BEND7: variants seen among roughly 807,000 people sequenced by gnomAD.
BEND7 encodes BEN domain containing 7.
A neutral mutation model predicts 50.9 loss-of-function variants in BEND7; 28 were observed. The observed-to-expected ratio is 0.55, with a 90% CI of 0.41 to 0.75. The LOEUF (loss-of-function observed/expected upper bound fraction) is 0.75, where lower values mean the gene tolerates loss of function less well. Among genes scored for constraint, BEND7 ranks in the 30% least tolerant of loss-of-function variants. BEND7 has a pLI of 0.00. For synonymous variants in BEND7, 170 were observed against 183.9 expected, an observed-to-expected ratio of 0.92 and a Z score of 0.61; for missense variants, 477 against 491.3, an observed-to-expected ratio of 0.97 and a Z score of 0.28.
At chr10:13,483,947 T>C (rs1290872121) in intron 5 of BEND7, among the ~76,000 whole-genome samples, 1 of 152,184 alleles carries the variant, frequency 6.6e-6, no homozygotes, top group African/African-American at 2.4e-5. Context: ...CCACAACTCC[T>C]AACAACTAAG....
chr10:13,479,944 A>G (rs1405413394), intron 6 of BEND7, among the ~76,000 whole-genome samples: 12 of 152,310 alleles, frequency 7.9e-5, no homozygotes, highest in Non-Finnish European at 1.5e-5. Context: ...TTTGCCAGAT[A>G]ATGGGGAACA....
intron 2 of BEND7, among the ~76,000 whole-genome samples, chr10:13,518,203 C>T (rs955839146): frequency 1.3e-5 from 2 of 152,202 alleles, no homozygotes; most frequent in African/African-American, 4.8e-5. Flanking sequence ...AGGGCAGTTG[C>T]TGAACCACAA....
intron 7 of BEND7, among the ~76,000 whole-genome samples, chr10:13,447,536 CTTTTTTT>C (rs11346528): frequency 4.6e-5 from 4 of 86,090 alleles, no homozygotes; most frequent in Non-Finnish European, 8.2e-5. Context: ...CGTATTAAAA[CTTTTTTT>C]TTTTTTTTTT....
chr10:13,500,483 G>C (rs759126541), intron 2 of BEND7: 14 of 991,988 alleles, frequency 1.4e-5, no homozygotes, highest in Non-Finnish European at 1.2e-5. Context: ...GTGAGGAATG[G>C]GCAGGTCACT....
intron 2 of BEND7, among the ~76,000 whole-genome samples, chr10:13,518,578 A>G (rs1164199820): frequency 2.6e-5 from 4 of 152,218 alleles, no homozygotes; most frequent in Non-Finnish European, 4.4e-5. Context: ...ATAAGGAACA[A>G]GCAGAACAAA....
At chr10:13,518,630 C>T (rs1195589547) in intron 2 of BEND7, among the ~76,000 whole-genome samples, 1 of 152,168 alleles carries the variant, frequency 6.6e-6, no homozygotes, top group Admixed American at 6.5e-5. Context: ...CACTGGCTTT[C>T]ATATGTGAGT....
At chr10:13,469,896 A>G (rs2074637363) in intron 6 of BEND7, among the ~76,000 whole-genome samples, 1 of 152,230 alleles carries the variant, frequency 6.6e-6, no homozygotes, top group African/African-American at 2.4e-5. Flanking sequence ...GCAAATACCA[A>G]TTCCTGAGTC....
chr10:13,457,376 G>A (rs1564525495), intron 6 of BEND7, among the ~76,000 whole-genome samples: 1 of 152,156 alleles, frequency 6.6e-6, no homozygotes, highest in African/African-American at 2.4e-5. Context: ...AAGGGCAGCC[G>A]TGTCTGGTTA....
intron 2 of BEND7, among the ~76,000 whole-genome samples, chr10:13,521,213 G>C (rs2079057277): frequency 6.6e-6 from 1 of 152,128 alleles, no homozygotes. Flanking sequence ...TTCCGCTTGG[G>C]AGCACGTTTG....
rs748615774 is a variant in BEND7 at position 13,496,917 on chromosome 10, T to G, written c.449-29A>C. The G allele has an allele frequency of 7.5e-6, 8 of 1,062,714 alleles. No individual in the cohort carries two copies. In the South Asian group the frequency reaches 1.8e-4, roughly 24 times the overall value. 65.8% of individuals were successfully genotyped at this position (1,062,714 alleles called of 1,614,324 possible). On this transcript the variant is annotated intron_variant, in intron 3 of 8. Transcript: ENST00000466271. ...AGCATGAAAGAAAAGAATGACATAC[T>G]CCAAACAAACCAAAAAAAAAAAAAA...
intron 6 of BEND7, among the ~76,000 whole-genome samples, chr10:13,470,188 C>T (rs1001949820): frequency 6.6e-6 from 1 of 152,244 alleles, no homozygotes; most frequent in Non-Finnish European, 1.5e-5. Flanking sequence ...GCAGAAAACA[C>T]TGCTTTCTAT....
chr10:13,447,056 T>A, intron 8 of BEND7: 1 of 589,650 alleles, frequency 1.7e-6, no homozygotes, highest in Non-Finnish European at 3.0e-6. Flanking sequence ...TTTATGAAAA[T>A]AAGAGTGTGA....
chr10:13,497,252 A>G (rs2077087670), intron 3 of BEND7, among the ~76,000 whole-genome samples: 2 of 152,234 alleles, frequency 1.3e-5, no homozygotes, highest in Non-Finnish European at 2.9e-5. Flanking sequence ...TAGTTCACAC[A>G]AAAAAGGAGC....
chr10:13,482,902 T>C (rs1285955227), intron 5 of BEND7, among the ~76,000 whole-genome samples: 7 of 152,342 alleles, frequency 4.6e-5, no homozygotes, highest in African/African-American at 1.7e-4. Context: ...TAGACACTAT[T>C]AGGATTGAGA....
intron 7 of BEND7, among the ~76,000 whole-genome samples, chr10:13,449,473 G>C (rs963497038): frequency 1.3e-5 from 2 of 152,170 alleles, no homozygotes; most frequent in Non-Finnish European, 2.9e-5. Context: ...CTCACTCCAG[G>C]TAACACAGCT....
intron 6 of BEND7, among the ~76,000 whole-genome samples, chr10:13,475,465 A>G (rs572924015): frequency 4.6e-5 from 7 of 152,368 alleles, no homozygotes; most frequent in South Asian, 2.1e-4. Flanking sequence ...TTGTGGTTCT[A>G]TGTACTGAAG....
At chr10:13,519,353 G>A (rs1011656925) in intron 2 of BEND7, among the ~76,000 whole-genome samples, 2 of 152,154 alleles carry the variant, frequency 1.3e-5, no homozygotes, top group African/African-American at 4.8e-5. Flanking sequence ...GCGGGCACCT[G>A]TAGTCCCAGC....
At chr10:13,439,544 C>T (rs868429754), downstream of BEND7, 5 of 1,523,048 alleles carry the variant, frequency 3.3e-6, 1 homozygote, top group South Asian at 5.1e-5. Context: ...TGGAGTAACT[C>T]ACCTGTCTCC....
Position 13,485,254 on chromosome 10 carries a change from T to C in BEND7, c.838-4130A>G, listed in dbSNP as rs141049294. Among the ~76,000 whole-genome samples the C allele has an allele frequency of 2.6e-4, 40 of 152,268 alleles. No individual in the cohort carries two copies. The East Asian group carries it at 5.6e-3, about 21-fold the overall frequency. ...TAGGCTATTTTATATAAGGTATTAG[T>C]AAGGTATTAATAAGTAAATTACAGT... On this transcript the variant is annotated intron_variant, in intron 5 of 8. Transcript: ENST00000466271.
Sources: allele counts gnomAD v4.1 joint callset (sites outside exome capture counted in the v4.1 genomes callset), GRCh38; gene constraint gnomAD v4.1.1; transcripts MANE v1.5; gene names NCBI Gene and HGNC (gene_info 2026-07-23, HGNC 2026-07-21).